The following FAM228B variants were observed in gnomAD, a reference collection of about 807,000 sequenced individuals.
FAM228B encodes family with sequence similarity 228 member B.
FAM228B carries 38 observed loss-of-function variants against 42.6 expected under a neutral mutation model. The observed-to-expected ratio is 0.89, with a 90% CI of 0.69 to 1.17. The LOEUF (loss-of-function observed/expected upper bound fraction) is 1.17, where lower values mean the gene tolerates loss of function less well. Ranked by LOEUF, FAM228B falls within the 50% of genes most tolerant of loss-of-function variation. FAM228B has a pLI of 0.00. For missense variants in FAM228B, 344 were observed against 367.3 expected (o/e 0.94, Z 0.52); for synonymous variants, 109 against 122.3 (o/e 0.89, Z 0.72).
chr2:24,142,945 A>G (rs553050567), intron 5 of FAM228B, among the ~76,000 whole-genome samples: 41 of 152,328 alleles, frequency 2.7e-4, no homozygotes, highest in African/African-American at 9.9e-4. Flanking sequence ...TTTTCCCCCA[A>G]ATGTTACAAA....
chr2:24,161,871 G>A (rs1336475087), intron 8 of FAM228B, among the ~76,000 whole-genome samples: 1 of 152,210 alleles, frequency 6.6e-6, no homozygotes, highest in Non-Finnish European at 1.5e-5. Context: ...GGCCGAGGCG[G>A]GCAGATCACC....
chr2:24,123,397 C>A (rs1666190464), upstream of FAM228B: 1 of 152,250 alleles, frequency 6.6e-6, no homozygotes, highest in African/African-American at 2.4e-5. Context: ...AACCAAGACC[C>A]GCCACCTAGA....
chr2:24,155,531 A>ATT lies in FAM228B; in HGVS notation c.687-5950_687-5949dup, dbSNP rs70944720. On this transcript the variant is annotated intron_variant, in intron 7 of 10. Coordinates refer to ENST00000615575, the MANE Select transcript of FAM228B (RefSeq NM_001145710.2). ...TATATATATATATATATATATATAT[A>ATT]TTTTTTTTTTTTTTTTTTTTTTTTT... Among the ~76,000 whole-genome samples the ATT allele has an allele frequency of 8.0e-3, 104 of 13,038 alleles. 12 individuals carry two copies. The highest frequency in any genetic ancestry group is 0.021 in the African/African-American group (99 of 4,624). 8.6% of individuals were successfully genotyped at this position (13,038 alleles called of 152,430 possible).
chr2:24,166,852 G>A (rs566810820), intron 9 of FAM228B, among the ~76,000 whole-genome samples: 4 of 151,600 alleles, frequency 2.6e-5, no homozygotes, highest in South Asian at 2.1e-4. Flanking sequence ...AGAGTGTTGC[G>A]CAGATGGATG....
rs548345855 is a variant in FAM228B at position 24,127,985 on chromosome 2, A to G, written c.99+3525A>G. Reference sequence around the variant, plus strand: ...GCCTATTTCTTAAATTATTTTTTCTATTCCCTCCATCTTTTGGGAAATACA... The same window carrying G: ...GCCTATTTCTTAAATTATTTTTTCTGTTCCCTCCATCTTTTGGGAAATACA... On this transcript the variant is annotated intron_variant, in intron 2 of 10. Coordinates refer to ENST00000615575, the MANE Select transcript of FAM228B (RefSeq NM_001145710.2). 5.6e-4 allele frequency among the ~76,000 whole-genome samples: 85 copies of G among 151,854 alleles called. 2 individuals are homozygous for G. In the South Asian group the frequency reaches 0.016, roughly 29 times the overall value.
chr2:24,153,061 G>A (rs576590442), intron 7 of FAM228B, among the ~76,000 whole-genome samples: 3 of 152,276 alleles, frequency 2.0e-5, no homozygotes, highest in African/African-American at 7.2e-5. Context: ...GGTGAATGCT[G>A]CCAGGCCTGG....
At chr2:24,100,741 G>A (rs1315472287) in intron 3 of FAM228B, among the ~76,000 whole-genome samples, 2 of 152,164 alleles carry the variant, frequency 1.3e-5, no homozygotes, top group Non-Finnish European at 1.5e-5. Flanking sequence ...ATTATCATTT[G>A]ACCCAGCAAT....
At chr2:24,167,178 T>C (rs1352074182) in intron 9 of FAM228B, among the ~76,000 whole-genome samples, 1 of 152,166 alleles carries the variant, frequency 6.6e-6, no homozygotes, top group East Asian at 1.9e-4. Context: ...AGTTGAGGGT[T>C]CCAGGCCAGG....
upstream of FAM228B, chr2:24,122,656 A>C (rs1244124008): frequency 1.4e-6 from 1 of 703,974 alleles, no homozygotes; most frequent in African/African-American, 1.8e-5. Context: ...CAGCAAGTGT[A>C]CTTTGAAAAG....
chr2:24,167,714 C>T (rs780800797), intron 10 of FAM228B, 31 bp downstream of exon 10: 4 of 1,550,272 alleles, frequency 2.6e-6, no homozygotes, highest in East Asian at 2.4e-5. Flanking sequence ...CCTTCTTACT[C>T]TCCTATTCCT....
intron 2 of FAM228B, among the ~76,000 whole-genome samples, chr2:24,132,864 G>C (rs908221554): frequency 1.3e-5 from 2 of 152,178 alleles, no homozygotes; most frequent in Non-Finnish European, 2.9e-5. Context: ...GTTGGCAGCA[G>C]ATGAAGTCAC....
chr2:24,165,721 A>T (rs1436012346), intron 9 of FAM228B, among the ~76,000 whole-genome samples: 1 of 152,164 alleles, frequency 6.6e-6, no homozygotes, highest in Non-Finnish European at 1.5e-5. Context: ...AAAAGCCCCA[A>T]CATTTAAAAT....
At chr2:24,136,652 C>T (rs149608614) in intron 3 of FAM228B, among the ~76,000 whole-genome samples, 343 of 152,234 alleles carry the variant, frequency 2.3e-3, no homozygotes, top group Non-Finnish European at 4.1e-3. Flanking sequence ...CGTGAGCCAC[C>T]GCACCTAGTG....
intron 3 of FAM228B, among the ~76,000 whole-genome samples, chr2:24,107,718 C>A (rs763554288): frequency 2.6e-5 from 4 of 152,142 alleles, no homozygotes; most frequent in Non-Finnish European, 5.9e-5. Context: ...TAAAAAAATT[C>A]TTCCAAACTA....
chr2:24,159,309 G>A (rs994496436), intron 7 of FAM228B, among the ~76,000 whole-genome samples: 1 of 152,212 alleles, frequency 6.6e-6, no homozygotes, highest in Non-Finnish European at 1.5e-5. Flanking sequence ...GTATTGAGTT[G>A]TAATTGCCTT....
intron 3 of FAM228B, among the ~76,000 whole-genome samples, chr2:24,103,862 G>A (rs1665652953): frequency 6.6e-6 from 1 of 152,194 alleles, no homozygotes. Flanking sequence ...TTATTGGCAT[G>A]GGGGCTGAAC....
intron 5 of FAM228B, among the ~76,000 whole-genome samples, chr2:24,143,731 A>G (rs1477546213): frequency 1.3e-5 from 2 of 152,030 alleles, no homozygotes; most frequent in African/African-American, 2.4e-5. Flanking sequence ...CAGGCATATT[A>G]TTATTATTTT....
intron 3 of FAM228B, among the ~76,000 whole-genome samples, chr2:24,104,529 C>A (rs1665668181): frequency 6.6e-6 from 1 of 152,248 alleles, no homozygotes; most frequent in African/African-American, 2.4e-5. Flanking sequence ...CCACCCACCC[C>A]CACCACTGGT....
Position 24,089,694 on chromosome 2 carries a change from G to A in FAM228B, c.-209-5447G>A, listed in dbSNP as rs146937918. ...CCAGCCTAGCAGAGTCACAACCGAGGAAGAAATAAACATTTGTTTTTGTAA... is the reference window on the plus strand; with the variant it reads ...CCAGCCTAGCAGAGTCACAACCGAGAAAGAAATAAACATTTGTTTTTGTAA... On this transcript the variant is annotated intron_variant, in intron 2 of 10. Transcript: ENST00000613899. Among the ~76,000 whole-genome samples the A allele has an allele frequency of 3.3e-3, 503 of 152,302 alleles. 2 individuals are homozygous for A. The highest frequency in any genetic ancestry group is 0.011 in the African/African-American group (458 of 41,564).
Sources: gnomAD v4.1 joint callset for allele counts (sites outside exome capture counted in the v4.1 genomes callset) on GRCh38, gnomAD v4.1.1 for gene constraint, MANE v1.5 for transcripts, NCBI Gene and HGNC (gene_info 2026-07-23, HGNC 2026-07-21) for gene names.